The following DACH1 variants were observed in gnomAD, a reference collection of about 807,000 sequenced individuals.
The protein encoded by DACH1 is dachshund homolog 1.
A neutral mutation model predicts 54.2 loss-of-function variants in DACH1; 12 were observed. The observed-to-expected ratio is 0.22, with a 90% CI of 0.14 to 0.36. The LOEUF is 0.36. Among genes scored for constraint, DACH1 ranks in the 10% least tolerant of loss-of-function variants. The pLI is 1.00. For synonymous variants in DACH1, 386 were observed against 366.2 expected, an observed-to-expected ratio of 1.05 and a Z score of -0.62; for missense variants, 805 against 929.8, an observed-to-expected ratio of 0.87 and a Z score of 1.75.
chr13:71,506,086 A>C (rs1477294774), intron 6 of DACH1, among the ~76,000 whole-genome samples: 1 of 152,110 alleles, frequency 6.6e-6, no homozygotes, highest in African/African-American at 2.4e-5. Context: ...AAATAAATAA[A>C]AATATTACAT....
At chr13:71,501,086 C>T (rs1331027) in intron 6 of DACH1, among the ~76,000 whole-genome samples, 135,138 of 152,156 alleles carry the variant, frequency 0.89, 61,780 homozygotes, top group Non-Finnish European at 0.99. Flanking sequence ...GATGTCCTGC[C>T]TTTTCAGATC....
chr13:71,783,395 C>T (rs1287488706), intron 1 of DACH1, among the ~76,000 whole-genome samples: 1 of 152,118 alleles, frequency 6.6e-6, no homozygotes. Context: ...AATTTAGTCA[C>T]TAACATATAC....
chr13:71,576,820 C>T (rs1885557186), intron 3 of DACH1, among the ~76,000 whole-genome samples: 1 of 152,072 alleles, frequency 6.6e-6, no homozygotes, highest in Admixed American at 6.6e-5. Context: ...GTCTAGGTAT[C>T]TAGAAGACAG....
intron 1 of DACH1, among the ~76,000 whole-genome samples, chr13:71,806,736 G>A (rs891277771): frequency 1.3e-4 from 20 of 152,186 alleles, no homozygotes; most frequent in African/African-American, 4.8e-4. Context: ...CCTACCTATC[G>A]TGAAATATTT....
rs988477 is a variant in DACH1 at position 71,614,208 on chromosome 13, A to G, written c.1126+16348T>C. On this transcript the variant is annotated intron_variant, in intron 3 of 10. Transcript: ENST00000613252. ...AGAGTATATTACCACTAACTATAGA[A>G]TTTAACCATTGGACTGCATAATTTT... 3.2e-3 allele frequency among the ~76,000 whole-genome samples: 488 copies of G among 152,294 alleles called. 4 individuals carry two copies. Among genetic ancestry groups the G allele is most frequent in the African/African-American group, 0.011 (447 of 41,572 alleles).
At chr13:71,753,274 T>C (rs1885001333) in intron 1 of DACH1, among the ~76,000 whole-genome samples, 1 of 152,140 alleles carries the variant, frequency 6.6e-6, no homozygotes, top group African/African-American at 2.4e-5. Context: ...GGTACCATTT[T>C]ACCAGATCAA....
chr13:71,528,549 T>TC lies in DACH1; in HGVS notation c.1570+28474dup, dbSNP rs559885264. ...TTCACGCCATTCTCCTGCCTCAGCC[T>TC]CCCGAGTAGCTGGGACTACAGGCGC... On this transcript the variant is annotated intron_variant, in intron 6 of 10. Transcript: ENST00000613252. Among the ~76,000 whole-genome samples the TC allele has an allele frequency of 6.4e-3, 944 of 146,770 alleles. 10 individuals are homozygous for TC. Among genetic ancestry groups the TC allele is most frequent in the African/African-American group, 0.021 (858 of 40,224 alleles).
At chr13:71,737,223 A>G (rs1884174269) in intron 1 of DACH1, among the ~76,000 whole-genome samples, 1 of 151,952 alleles carries the variant, frequency 6.6e-6, no homozygotes, top group Admixed American at 6.6e-5. Context: ...ACTCCGTCTC[A>G]AAAAAAAGAA....
chr13:71,717,511 C>T (rs1883031247), intron 1 of DACH1, among the ~76,000 whole-genome samples: 1 of 129,396 alleles, frequency 7.7e-6, no homozygotes, highest in Non-Finnish European at 1.6e-5. Flanking sequence ...TAATCACACA[C>T]ACACACACAC....
intron 10 of DACH1, among the ~76,000 whole-genome samples, chr13:71,467,355 G>C (rs906382062): frequency 1.7e-5 from 2 of 119,042 alleles, no homozygotes; most frequent in African/African-American, 6.2e-5. Context: ...GTTGTGGGGT[G>C]GGGGGAGGGG....
intron 1 of DACH1, among the ~76,000 whole-genome samples, chr13:71,692,576 G>T (rs551979511): frequency 1.6e-5 from 2 of 128,600 alleles, no homozygotes; most frequent in Admixed American, 8.9e-5. Flanking sequence ...AGGCTGGAGT[G>T]CAGTGGTGCA....
intron 1 of DACH1, among the ~76,000 whole-genome samples, chr13:71,858,986 C>G (rs745307828): frequency 6.6e-6 from 1 of 151,548 alleles, no homozygotes. Flanking sequence ...TAAAAAGTAA[C>G]TGGCTATTCA....
intron 2 of DACH1, among the ~76,000 whole-genome samples, chr13:71,637,318 C>G (rs1299998384): frequency 6.6e-6 from 1 of 152,166 alleles, no homozygotes; most frequent in African/African-American, 2.4e-5. Context: ...AAGCCCTCCC[C>G]CTCCATAAAT....
At chr13:71,743,599 T>G (rs1884493734) in intron 1 of DACH1, among the ~76,000 whole-genome samples, 1 of 152,214 alleles carries the variant, frequency 6.6e-6, no homozygotes, top group African/African-American at 2.4e-5. Context: ...AGGCCAGGAA[T>G]GAATCTGATT....
chr13:71,866,714 G>T lies in DACH1; in HGVS notation c.56C>A (p.Pro19Gln). Residue 19 changes from proline to glutamine, a missense_variant, in exon 1 of 11, where the codon CCA becomes CAA. Physicochemically the swap from Pro to Gln is moderately conservative, Grantham distance 76. Coordinates refer to ENST00000613252, the MANE Select transcript of DACH1 (RefSeq NM_080759.6). ...PPTQLVPPQPPISTSASSSGT... is the reference protein window; with the variant it reads ...PPTQLVPPQPQISTSASSSGT... ...AGAGGAGGAAGCAGACGTGGAGATT[G>T]GGGGTTGAGGGGGGACCAGCTGGGT... 1 of 1,447,130 alleles carries T rather than the reference G, an allele frequency of 6.9e-7. No individual in the cohort carries two copies. The highest frequency in any genetic ancestry group is 2.3e-5 in the Admixed American group (1 of 44,250). The allele number at this position is 1,447,130 out of a possible 1,614,324, so 89.6% of individuals were successfully genotyped here.
At chr13:71,505,566 G>A (rs1880247195) in intron 6 of DACH1, among the ~76,000 whole-genome samples, 1 of 152,006 alleles carries the variant, frequency 6.6e-6, no homozygotes, top group African/African-American at 2.4e-5. Flanking sequence ...TAAGTACATA[G>A]GTACATATAG....
intron 2 of DACH1, among the ~76,000 whole-genome samples, chr13:71,677,769 G>A (rs987406421): frequency 6.6e-6 from 1 of 152,044 alleles, no homozygotes; most frequent in Non-Finnish European, 1.5e-5. Context: ...TGTCAGGCTG[G>A]AGTGCAGTGG....
At chr13:71,490,594 CA>C (rs1341079647) in intron 6 of DACH1, among the ~76,000 whole-genome samples, 1 of 152,156 alleles carries the variant, frequency 6.6e-6, no homozygotes, top group Non-Finnish European at 1.5e-5. Flanking sequence ...AAGTAGGACT[CA>C]TGTTATTTTT....
intron 6 of DACH1, among the ~76,000 whole-genome samples, chr13:71,504,345 T>C (rs1880147338): frequency 6.6e-6 from 1 of 152,174 alleles, no homozygotes; most frequent in Non-Finnish European, 1.5e-5. Flanking sequence ...GTTATCTGCA[T>C]TCATTAAAGT....
Sources: gnomAD v4.1 joint callset for allele counts (sites outside exome capture counted in the v4.1 genomes callset) on GRCh38, gnomAD v4.1.1 for gene constraint, MANE v1.5 for transcripts, NCBI Gene and HGNC (gene_info 2026-07-23, HGNC 2026-07-21) for gene names.